TUSC7: variants seen among roughly 807,000 people sequenced by gnomAD.
TUSC7 encodes the protein LSAMP antisense RNA 3.
At chr3:116,714,113 C>A (rs34251226) in intron 1 of TUSC7, 27,480 of 151,842 alleles carry the variant, frequency 0.18, 2,952 homozygotes, top group South Asian at 0.4. Flanking sequence ...CCAGGAAACC[C>A]CCAAAGCATC....
At chr3:116,715,488 GTATTACCTGTGTT>G (rs2051497898) in intron 1 of TUSC7, among the ~76,000 whole-genome samples, 1 of 152,106 alleles carries the variant, frequency 6.6e-6, no homozygotes, top group Non-Finnish European at 1.5e-5. Context: ...CCAATATTTG[GTATTACCTGTGTT>G]CAGGATTTTA....
chr3:116,714,503 A>G (rs2051488491), intron 1 of TUSC7, among the ~76,000 whole-genome samples: 1 of 152,186 alleles, frequency 6.6e-6, no homozygotes, highest in African/African-American at 2.4e-5. Flanking sequence ...AGTACAGTTT[A>G]ATATACTAAA....
chr3:116,713,452 T>C (rs72949409), intron 1 of TUSC7, among the ~76,000 whole-genome samples: 1,589 of 152,284 alleles, frequency 0.01, 30 homozygotes, highest in African/African-American at 0.037. Context: ...TCTTAAGATA[T>C]GGAGCTCAAG....
At chr3:116,711,685 A>C (rs1267372191) in intron 1 of TUSC7, among the ~76,000 whole-genome samples, 1 of 152,222 alleles carries the variant, frequency 6.6e-6, no homozygotes, top group Non-Finnish European at 1.5e-5. Context: ...GAGTACAGTC[A>C]AACTTTAAAC....
intron 1 of TUSC7, chr3:116,716,687 G>A (rs564887956): frequency 2.6e-5 from 4 of 152,262 alleles, no homozygotes; most frequent in East Asian, 1.9e-4. Context: ...CAAGGAACAC[G>A]TTTTCACTAT....
At chr3:116,711,485 C>A (rs1426650601) in intron 1 of TUSC7, among the ~76,000 whole-genome samples, 1 of 152,098 alleles carries the variant, frequency 6.6e-6, no homozygotes, top group Non-Finnish European at 1.5e-5. Context: ...TTCTTTCTCC[C>A]ACTTCAAGTG....
At chr3:116,710,771 G>A (rs1175711179) in intron 1 of TUSC7, among the ~76,000 whole-genome samples, 1 of 152,064 alleles carries the variant, frequency 6.6e-6, no homozygotes. Context: ...GACATGTAAA[G>A]AGACATGATT....
Sources: gnomAD v4.1 joint callset for allele counts (sites outside exome capture counted in the v4.1 genomes callset) on GRCh38, gnomAD v4.1.1 for gene constraint, MANE v1.5 for transcripts, NCBI Gene and HGNC (gene_info 2026-07-23, HGNC 2026-07-21) for gene names.